PCGF3: variants seen among roughly 807,000 people sequenced by gnomAD.
PCGF3 encodes polycomb group RING finger protein 3.
In PCGF3, 7 loss-of-function variants were observed where a neutral mutation model predicts 33.1. The observed-to-expected ratio is 0.21, with a 90% confidence interval of 0.12 to 0.40. The LOEUF (loss-of-function observed/expected upper bound fraction) is 0.40. Among genes scored for constraint, PCGF3 ranks in the 10% least tolerant of loss-of-function variants. The pLI is 1.00. For synonymous variants in PCGF3, 153 were observed against 121.3 expected, an observed-to-expected ratio of 1.26 and a Z score of -1.72; for missense variants, 211 against 313.3, an observed-to-expected ratio of 0.67 and a Z score of 2.46.
At chr4:763,372 AAG>A (rs1438087119) in intron 9 of PCGF3, among the ~76,000 whole-genome samples, 1 of 152,016 alleles carries the variant, frequency 6.6e-6, no homozygotes, top group Non-Finnish European at 1.5e-5. Flanking sequence ...TCCTCCAGGG[AAG>A]AGTGTGAGGT....
At chr4:766,972 T>G (rs1007182241) in exon 11 of PCGF3, 3 of 152,330 alleles carry the variant, frequency 2.0e-5, no homozygotes, top group African/African-American at 7.2e-5. Context: ...GTGGTGGTGG[T>G]TAGGATCAGA....
chr4:763,848 T>G (rs1745205366), intron 9 of PCGF3, among the ~76,000 whole-genome samples: 2 of 152,160 alleles, frequency 1.3e-5, no homozygotes, highest in Admixed American at 1.3e-4. Flanking sequence ...CCGTGGTGCA[T>G]CCATACTGGA....
chr4:765,907 C>T lies in PCGF3; in HGVS notation c.682-125C>T. 4.9e-6 allele frequency: 4 copies of T among 809,368 alleles called. No homozygotes were observed. In the Admixed American group the frequency reaches 5.7e-5, roughly 12 times the overall value. 50.1% of individuals were successfully genotyped at this position (809,368 alleles called of 1,614,324 possible). On this transcript the variant is annotated intron_variant, in intron 10 of 10. Transcript: ENST00000362003. ...TCTGTTGCTCAGAACAGAAGGGTCTCTGTGCAGCCCTGCATGTGGACTGTG... is the reference window on the plus strand; with the variant it reads ...TCTGTTGCTCAGAACAGAAGGGTCTTTGTGCAGCCCTGCATGTGGACTGTG...
At position 734,189 on chromosome 4, in the gene PCGF3, T is replaced by C. The variant is rs1430001857; in HGVS notation, c.109+400T>C. 3.9e-6 allele frequency: 6 copies of C among 1,538,930 alleles called. No homozygotes were observed. In the African/African-American group the frequency reaches 5.5e-5, roughly 14 times the overall value. On this transcript the variant is annotated intron_variant, in intron 4 of 10. Coordinates refer to ENST00000362003, the Ensembl canonical transcript of PCGF3. The stretch of plus-strand genomic sequence containing the variant: ...TGCGTCCTCACACCTGATGAGTCTG[T>C]GCTTTGGTGTTAGAGGACTCACACC...
At chr4:733,957 C>A (rs756324913) in intron 4 of PCGF3, 168 bp downstream of exon 4, 17 of 1,552,096 alleles carry the variant, frequency 1.1e-5, no homozygotes, top group Non-Finnish European at 1.5e-5. Context: ...AAAGTCATTT[C>A]ACGCTAAAGG....
chr4:742,529 C>T (rs1388278586), intron 6 of PCGF3, among the ~76,000 whole-genome samples: 2 of 152,240 alleles, frequency 1.3e-5, no homozygotes, highest in South Asian at 2.1e-4. Flanking sequence ...TTGCTACCTA[C>T]TGTGTGTTCC....
exon 11 of PCGF3, chr4:766,151 A>G (rs914172888): frequency 5.5e-6 from 7 of 1,280,426 alleles, no homozygotes; most frequent in South Asian, 2.4e-5. Flanking sequence ...GCTTAAGAAC[A>G]TTGCCTCTGG....
intron 1 of PCGF3, chr4:722,552 A>G: frequency 3.5e-6 from 1 of 289,464 alleles, no homozygotes; most frequent in South Asian, 2.6e-5. Flanking sequence ...CGCCGGGTCC[A>G]CACTCAGTCA....
At chr4:755,295 C>CT (rs1254892892) in intron 8 of PCGF3, among the ~76,000 whole-genome samples, 1 of 151,762 alleles carries the variant, frequency 6.6e-6, no homozygotes, top group Non-Finnish European at 1.5e-5. Context: ...TCCACGGTAT[C>CT]TGTGTTATTT....
At chr4:710,564 G>T (rs1487418693) in intron 1 of PCGF3, among the ~76,000 whole-genome samples, 2 of 152,248 alleles carry the variant, frequency 1.3e-5, no homozygotes, top group East Asian at 3.8e-4. Context: ...GCGATTGCGT[G>T]TGGAGTGACG....
chr4:741,565 C>T (rs1447209251), intron 6 of PCGF3, among the ~76,000 whole-genome samples: 1 of 152,150 alleles, frequency 6.6e-6, no homozygotes, highest in African/African-American at 2.4e-5. Flanking sequence ...TGCCACCATG[C>T]CTGGCTAATT....
At chr4:751,833 G>A (rs1409598055) in intron 8 of PCGF3, among the ~76,000 whole-genome samples, 2 of 152,198 alleles carry the variant, frequency 1.3e-5, no homozygotes, top group African/African-American at 4.8e-5. Flanking sequence ...GGTGGCATCA[G>A]CCGGCCGCGC....
At chr4:751,693 CG>C (rs996817652) in intron 8 of PCGF3, among the ~76,000 whole-genome samples, 1 of 152,206 alleles carries the variant, frequency 6.6e-6, no homozygotes, top group Admixed American at 6.5e-5. Flanking sequence ...TGCCCTCCCC[CG>C]GTGGCCCCTC....
rs1048353837 is a variant in PCGF3, at chr4:744,632, G to C, written c.406G>C (p.Glu136Gln). 1.9e-6 allele frequency: 3 copies of C among 1,561,264 alleles called. No individual in the cohort carries two copies. In the East Asian group the frequency reaches 7.2e-5, roughly 37 times the overall value. The change falls in exon 8 of 11, where the codon GAG (glutamate) becomes CAG (glutamine). Residue 136 changes from glutamate (E) to glutamine (Q), a missense_variant. This residue lies in a region of PCGF3 where 95 missense variants were observed against 83.0 expected (regional missense o/e 1.14). Coordinates refer to ENST00000362003, the Ensembl canonical transcript of PCGF3. ...CAAAGCAGACGACAGTTCAAACAAA[G>C]AGGCCGCGGAGGAGAAGCCGGAGGA...
intron 1 of PCGF3, among the ~76,000 whole-genome samples, chr4:710,715 A>T (rs1742527088): frequency 6.6e-6 from 1 of 152,226 alleles, no homozygotes; most frequent in Admixed American, 6.5e-5. Flanking sequence ...ATTAACTTGC[A>T]ATTTGGCATA....
chr4:765,025 C>T, exon 10 of PCGF3: 1 of 1,614,002 alleles, frequency 6.2e-7, no homozygotes, highest in Non-Finnish European at 8.5e-7. Flanking sequence ...GCAAGGACCA[C>T]ACACTCAAGT....
At chr4:734,109 G>A (rs1178823623) in intron 4 of PCGF3, 4 of 1,550,542 alleles carry the variant, frequency 2.6e-6, no homozygotes, top group Non-Finnish European at 3.5e-6. Context: ...ATCTCCAGAG[G>A]AGTTCCTTAG....
exon 11 of PCGF3, chr4:768,951 T>G (rs897318239): frequency 6.5e-6 from 1 of 152,694 alleles, no homozygotes; most frequent in Non-Finnish European, 1.5e-5. Flanking sequence ...TAGCATTTAT[T>G]TTGCTAAATT....
At chr4:769,684 G>A (rs1314425308) in exon 11 of PCGF3, 1 of 151,644 alleles carries the variant, frequency 6.6e-6, no homozygotes, top group African/African-American at 2.4e-5. Context: ...TGCGTCTGAG[G>A]AACGAGCTGC....
Sources: gnomAD v4.1 joint callset for allele counts (sites outside exome capture counted in the v4.1 genomes callset) on GRCh38, gnomAD v4.1.1 for gene constraint, gnomAD v4.1.1 regional missense constraint, MANE v1.5 for transcripts, NCBI Gene and HGNC (gene_info 2026-07-23, HGNC 2026-07-21) for gene names.